Variants in PHKA2 observed in about 807,000 individuals in gnomAD.
PHKA2 encodes the protein phosphorylase b kinase regulatory subunit alpha, liver isoform.
Under a neutral mutation model 102.0 loss-of-function variants are expected in PHKA2, and 31 were observed. That is an observed-to-expected ratio of 0.30 (90% CI 0.23 to 0.41). The LOEUF is 0.41. Among genes scored for constraint, PHKA2 ranks in the 10% least tolerant of loss-of-function variants. The pLI, the probability that PHKA2 is intolerant of heterozygous loss-of-function variation, is 1.00. For missense variants in PHKA2, 858 were observed against 1,023.1 expected (o/e 0.84, Z 2.20); for synonymous variants, 455 against 416.2 (o/e 1.09, Z -1.13).
At chrX:18,905,594 C>T (rs1373791075) in intron 26 of PHKA2, among the ~76,000 whole-genome samples, 164 bp downstream of exon 26, 1 of 112,055 alleles carries the variant, frequency 8.9e-6, no homozygotes, top group Non-Finnish European at 1.9e-5. Flanking sequence ...GAGCAAGTCT[C>T]AAAGCCCCCA....
At chrX:18,900,536 G>C (rs1398871616) in intron 28 of PHKA2, 134 bp downstream of exon 28, 1 of 580,684 alleles carries the variant, frequency 1.7e-6, no homozygotes, top group Non-Finnish European at 3.0e-6. Flanking sequence ...CCTGCTCTCT[G>C]CCTGTGCCCC....
chrX:18,937,945 A>G (rs1287567342), intron 10 of PHKA2, among the ~76,000 whole-genome samples: 1 of 112,191 alleles, frequency 8.9e-6, no homozygotes, highest in Non-Finnish European at 1.9e-5. Flanking sequence ...CTAGGGCTAA[A>G]GACAGCAAAC....
intron 20 of PHKA2, among the ~76,000 whole-genome samples, chrX:18,909,594 C>T (rs893065457): frequency 4.5e-5 from 5 of 112,206 alleles, no homozygotes; most frequent in African/African-American, 9.7e-5. Flanking sequence ...ACTAGTTTTA[C>T]ACACCCTGTG....
intron 28 of PHKA2, among the ~76,000 whole-genome samples, chrX:18,900,366 C>G (rs2047658716): frequency 9.0e-6 from 1 of 111,633 alleles, no homozygotes; most frequent in Non-Finnish European, 1.9e-5. Flanking sequence ...CATTTCCCCC[C>G]CATTTAGTTT....
At chrX:18,929,335 A>G in intron 12 of PHKA2, 29 bp from the exon 13 acceptor site, 1 of 970,182 alleles carries the variant, frequency 1.0e-6, no homozygotes, top group Non-Finnish European at 1.4e-6. Flanking sequence ...TAACACTATG[A>G]AATATTGATT....
chrX:18,917,103 G>C (rs1158526558), intron 19 of PHKA2, among the ~76,000 whole-genome samples: 1 of 109,733 alleles, frequency 9.1e-6, no homozygotes, highest in Non-Finnish European at 1.9e-5. Flanking sequence ...TCAAATTCCT[G>C]GACTCAAGCG....
At chrX:18,943,677 T>A (rs757189542) in intron 7 of PHKA2, 33 bp downstream of exon 7, 1 of 1,084,103 alleles carries the variant, frequency 9.2e-7, no homozygotes, top group East Asian at 3.0e-5. Flanking sequence ...AGGACTCTCC[T>A]TCCCTGCTCT....
At chrX:18,918,384 A>G (rs190194525) in intron 19 of PHKA2, among the ~76,000 whole-genome samples, 47 of 112,536 alleles carry the variant, frequency 4.2e-4, no homozygotes, top group African/African-American at 1.5e-3. Flanking sequence ...GGGGGAGTGA[A>G]GCAGAGGAGT....
intron 11 of PHKA2, among the ~76,000 whole-genome samples, chrX:18,932,912 G>C (rs1443042843): frequency 9.0e-6 from 1 of 111,159 alleles, no homozygotes; most frequent in Non-Finnish European, 1.9e-5. Flanking sequence ...CCAGGAGTTC[G>C]AGACCAGTCT....
intron 18 of PHKA2, among the ~76,000 whole-genome samples, chrX:18,919,085 A>AG (rs2048070660): frequency 9.0e-6 from 1 of 111,545 alleles, no homozygotes; most frequent in Non-Finnish European, 1.9e-5. Context: ...AGGAAAAAAA[A>AG]ACTACCAGTC....
chrX:18,979,152 CAAACA>C (rs1255421446), intron 1 of PHKA2, among the ~76,000 whole-genome samples: 1 of 111,421 alleles, frequency 9.0e-6, no homozygotes, highest in Non-Finnish European at 1.9e-5. Flanking sequence ...AACAAACAAA[CAAACA>C]AAACAAAAAA....
At chrX:18,941,765 T>C in intron 7 of PHKA2, 90 bp from the exon 8 acceptor site, 1 of 667,471 alleles carries the variant, frequency 1.5e-6, no homozygotes, top group Non-Finnish European at 2.5e-6. Context: ...AAGGGAACAT[T>C]CGAATACGGT....
At chrX:18,903,510 T>C (rs1286346770) in intron 26 of PHKA2, among the ~76,000 whole-genome samples, 2 of 112,622 alleles carry the variant, frequency 1.8e-5, no homozygotes, top group East Asian at 2.8e-4. Context: ...GGGCAGCAGA[T>C]GCAGGTGTGA....
At chrX:18,973,580 A>G (rs2049046149) in intron 1 of PHKA2, among the ~76,000 whole-genome samples, 1 of 112,180 alleles carries the variant, frequency 8.9e-6, no homozygotes, top group Non-Finnish European at 1.9e-5. Flanking sequence ...ATGTTTTAAC[A>G]TGCCTTGTTT....
intron 1 of PHKA2, among the ~76,000 whole-genome samples, chrX:18,956,456 A>G (rs190762723): frequency 8.9e-6 from 1 of 112,263 alleles, no homozygotes; most frequent in African/African-American, 3.2e-5. Context: ...CCATGAGTCT[A>G]CTAAAACAAA....
At chrX:18,920,792 A>G in intron 17 of PHKA2, among the ~76,000 whole-genome samples, 1 of 112,110 alleles carries the variant, frequency 8.9e-6, no homozygotes, top group East Asian at 2.8e-4. Flanking sequence ...TGGGTTTGGC[A>G]GCCTGGGGCC....
At position 18,957,776 on chromosome X, in the gene PHKA2, C is replaced by G. The variant is rs150640612; in HGVS notation, c.79-3364G>C. On this transcript the variant is annotated intron_variant, in intron 1 of 32. Coordinates refer to ENST00000379942, the MANE Select transcript of PHKA2 (RefSeq NM_000292.3). ...TATATATATAATTGTACCCCTTAAA[C>G]AGGTGAAGTATATATACATATATAT... Among the ~76,000 whole-genome samples, 13 of 103,249 alleles carry G rather than the reference C, an allele frequency of 1.3e-4. 1 individual carries two copies. Among genetic ancestry groups the G allele is most frequent in the Non-Finnish European group, 1.7e-4 (9 of 51,799 alleles). 89.7% of individuals were successfully genotyped at this position (103,249 alleles called of 115,157 possible).
At chrX:18,910,846 A>T (rs1331888048) in intron 20 of PHKA2, 26 bp downstream of exon 20, 6 of 990,906 alleles carry the variant, frequency 6.1e-6, no homozygotes, top group African/African-American at 1.9e-5. Flanking sequence ...CCATACTTTT[A>T]AAAAAAGCTG....
intron 19 of PHKA2, among the ~76,000 whole-genome samples, chrX:18,913,339 T>G (rs766409161): frequency 8.9e-5 from 10 of 112,197 alleles, no homozygotes; most frequent in Admixed American, 3.8e-4. Context: ...TAAACTTAAA[T>G]TTTTAAAAAT....
Sources: allele counts gnomAD v4.1 joint callset (sites outside exome capture counted in the v4.1 genomes callset), GRCh38; gene constraint gnomAD v4.1.1; transcripts MANE v1.5; gene names NCBI Gene and HGNC (gene_info 2026-07-23, HGNC 2026-07-21).